SERPIND1: variants seen among roughly 807,000 people sequenced by gnomAD.
The protein encoded by SERPIND1 is serpin family D member 1.
SERPIND1 carries 34 observed loss-of-function variants against 35.0 expected under a neutral mutation model. That is an observed-to-expected ratio of 0.97 (90% CI 0.74 to 1.29). The LOEUF (loss-of-function observed/expected upper bound fraction) is 1.29. Among genes scored for constraint, SERPIND1 ranks in the 50% most tolerant of loss-of-function variants. SERPIND1 has a pLI of 0.00. For synonymous variants in SERPIND1, 236 were observed against 241.1 expected (o/e 0.98, Z 0.19); for missense variants, 633 against 637.7 (o/e 0.99, Z 0.08).
intron 1 of SERPIND1, among the ~76,000 whole-genome samples, chr22:20,776,798 T>A (rs922038588): frequency 6.6e-6 from 1 of 152,178 alleles, no homozygotes; most frequent in African/African-American, 2.4e-5. Flanking sequence ...AAGTGCCTTA[T>A]ACAGCGTGTC....
rs145172362 is a variant in SERPIND1 at position 20,776,404 on chromosome 22, G to A, written c.-17+2259G>A. On this transcript the variant is annotated intron_variant, in intron 1 of 4. Coordinates refer to ENST00000215727, the MANE Select transcript of SERPIND1 (RefSeq NM_000185.4). ...CTAGTGGCACTGCAGCCTGAGGCAG[G>A]TGCTGAGATGGGGACCTGGAAAAGG... Among the ~76,000 whole-genome samples, 732 of 152,322 alleles carry A rather than the reference G, an allele frequency of 4.8e-3. 4 individuals are homozygous for A. The highest frequency in any genetic ancestry group is 0.017 in the African/African-American group (703 of 41,576).
intron 1 of SERPIND1, among the ~76,000 whole-genome samples, chr22:20,774,703 G>A (rs1417462350): frequency 1.3e-5 from 2 of 150,762 alleles, no homozygotes; most frequent in East Asian, 3.9e-4. Flanking sequence ...AGAGGTTGCA[G>A]TGAGCGGAGA....
chr22:20,783,435 TA>T (rs362069), intron 2 of SERPIND1, among the ~76,000 whole-genome samples: 12,247 of 135,964 alleles, frequency 0.09, 558 homozygotes, highest in African/African-American at 0.14. Context: ...CATCTACAAT[TA>T]AAAAAAAAAA....
At chr22:20,784,965 A>G (rs1406212163) in intron 3 of SERPIND1, among the ~76,000 whole-genome samples, 1 of 152,024 alleles carries the variant, frequency 6.6e-6, no homozygotes, top group Non-Finnish European at 1.5e-5. Flanking sequence ...CCGGGTAGCC[A>G]GTCATCATGC....
In SERPIND1 at chr22:20,775,503, G is replaced by A. The variant is rs8138153; in HGVS notation, c.-17+1358G>A. Among the ~76,000 whole-genome samples, 1,288 of 152,274 alleles carry A rather than the reference G, an allele frequency of 8.5e-3. 13 individuals are homozygous for A. Among genetic ancestry groups the A allele is most frequent in the African/African-American group, 0.029 (1,197 of 41,542 alleles). On this transcript the variant is annotated intron_variant, in intron 1 of 4. Coordinates refer to ENST00000215727, the MANE Select transcript of SERPIND1 (RefSeq NM_000185.4). ...TCCAAATATAACTTCTGAATACCGG[G>A]ATAAAACATGCATGTCTTTACTCTG...
At position 20,787,547 on chromosome 22, in the gene SERPIND1, CAT is replaced by C. The variant is rs1423949702; in HGVS notation, c.*484_*485del. 4.6e-6 allele frequency: 1 copy of C among 217,536 alleles called. No homozygotes were observed. Among genetic ancestry groups the C allele is most frequent in the African/African-American group, 2.3e-5 (1 of 43,706 alleles). The allele number at this position is 217,536 out of a possible 1,614,324, so 13.5% of individuals were successfully genotyped here. A position where few individuals can be genotyped will look rare whatever the true frequency, so the allele number is the denominator to read the frequency against. On this transcript the variant is annotated 3_prime_UTR_variant, in exon 5 of 5. Transcript: ENST00000215727. ...GTCCAGGGAAGAAGCCACCTCAAGA[CAT>C]ATGAGGGGTGCCCTGGGCTAATGTT...
At chr22:20,782,841 T>G (rs968441085) in intron 2 of SERPIND1, among the ~76,000 whole-genome samples, 1 of 152,156 alleles carries the variant, frequency 6.6e-6, no homozygotes, top group Admixed American at 6.5e-5. Context: ...TGAGAAACCC[T>G]GGGTGAGGCA....
At chr22:20,785,242 C>CT (rs1205120078) in intron 3 of SERPIND1, among the ~76,000 whole-genome samples, 3 of 151,948 alleles carry the variant, frequency 2.0e-5, no homozygotes, top group Non-Finnish European at 4.4e-5. Flanking sequence ...GCTAATTAAA[C>CT]TTTTTTTGGT....
At position 20,780,142 on chromosome 22, in the gene SERPIND1, C is replaced by T. The variant is rs115355953; in HGVS notation, c.830C>T (p.Ala277Val). Reference protein sequence around the residue: ...MKLTKGLIKDALENIDPATQM... With the variant: ...MKLTKGLIKDVLENIDPATQM... ...CTCACCAAGGGCCTCATAAAAGATGCTCTGGAGAATATAGACCCTGCTACC... is the reference window on the plus strand; with the variant it reads ...CTCACCAAGGGCCTCATAAAAGATGTTCTGGAGAATATAGACCCTGCTACC... The change falls in exon 2 of 5, where the codon GCT (alanine) becomes GTT (valine). Residue 277 changes from alanine (A) to valine (V), a missense_variant. Ala to Val is a moderately conservative substitution (Grantham distance 64). Transcript: ENST00000215727. 3.3e-4 allele frequency: 539 copies of T among 1,614,198 alleles called. 2 individuals carry two copies. In the African/African-American group the frequency reaches 6.4e-3, roughly 19 times the overall value.
intron 1 of SERPIND1, among the ~76,000 whole-genome samples, chr22:20,775,479 C>T (rs1364135854): frequency 6.6e-6 from 1 of 152,166 alleles, no homozygotes; most frequent in Non-Finnish European, 1.5e-5. Flanking sequence ...TAAGAAGTTT[C>T]CAAATATAAC....
Position 20,783,959 on chromosome 22 carries a change from G to A in SERPIND1, c.890-13G>A, listed in dbSNP as rs1341057561. 6.2e-7 allele frequency: 1 copy of A among 1,614,078 alleles called. No individual in the cohort carries two copies. Among genetic ancestry groups the A allele is most frequent in the African/African-American group, 1.3e-5 (1 of 74,914 alleles). ...AACCTTCTCATAACAGCCTCTTCCTGTGGCCTTTACAGGATCCTGGGTGAA... is the reference window on the plus strand; with the variant it reads ...AACCTTCTCATAACAGCCTCTTCCTATGGCCTTTACAGGATCCTGGGTGAA... On this transcript the variant is annotated splice_polypyrimidine_tract_variant and intron_variant, in intron 2 of 4. Transcript: ENST00000215727.
At chr22:20,777,316 A>G in intron 1 of SERPIND1, among the ~76,000 whole-genome samples, 1 of 151,654 alleles carries the variant, frequency 6.6e-6, no homozygotes, top group East Asian at 1.9e-4. Flanking sequence ...TCCTGAATTC[A>G]AACGAATCTC....
chr22:20,786,183 C>T (rs2147517449), intron 4 of SERPIND1, 35 bp downstream of exon 4: 1 of 1,612,222 alleles, frequency 6.2e-7, no homozygotes, highest in East Asian at 2.2e-5. Flanking sequence ...GACCCGTCCC[C>T]AGGGTCTGCC....
At position 20,780,775 on chromosome 22, in the gene SERPIND1, C is replaced by CAA. The variant is rs538327544; in HGVS notation, c.889+589_889+590dup. ...TGGACGACAGAGTGAGACTCCATCTCAAAAAAAAAAAAAAAAGAAGTAAAA... is the reference window on the plus strand; with the variant it reads ...TGGACGACAGAGTGAGACTCCATCTCAAAAAAAAAAAAAAAAAAGAAGTAAAA... On this transcript the variant is annotated intron_variant, in intron 2 of 4. Transcript: ENST00000215727. 4.3e-3 allele frequency among the ~76,000 whole-genome samples: 294 copies of CAA among 67,690 alleles called. 10 individuals carry two copies. Among genetic ancestry groups the CAA allele is most frequent in the Non-Finnish European group, 6.6e-3 (241 of 36,636 alleles). 44.4% of individuals were successfully genotyped at this position (67,690 alleles called of 152,430 possible).
Position 20,779,988 on chromosome 22 carries a change from ATCCAGAAGCAGTT to A in SERPIND1, c.681_693del (p.Lys228SerfsTer9), listed in dbSNP as rs1569024125. ...ACTGCGGTCAGTCAATGACCTTTAT[ATCCAGAAGCAGTT>A]TCCAATCCTGCTTGACTTCAAAACT... On this transcript the variant is annotated frameshift_variant, in exon 2 of 5. Coordinates refer to ENST00000215727, the MANE Select transcript of SERPIND1 (RefSeq NM_000185.4). LOFTEE classifies it high-confidence loss of function. 2 of 1,614,054 alleles carry A rather than the reference ATCCAGAAGCAGTT, an allele frequency of 1.2e-6. No homozygotes were observed. Among genetic ancestry groups the A allele is most frequent in the Admixed American group, 3.3e-5 (2 of 60,000 alleles).
chr22:20,784,335 G>C, intron 3 of SERPIND1, 90 bp downstream of exon 3: 1 of 1,560,926 alleles, frequency 6.4e-7, no homozygotes, highest in African/African-American at 1.4e-5. Flanking sequence ...TTTAAAAAGG[G>C]AGAATTATGT....
At chr22:20,777,225 T>C (rs993327160) in intron 1 of SERPIND1, among the ~76,000 whole-genome samples, 10 of 151,670 alleles carry the variant, frequency 6.6e-5, no homozygotes, top group African/African-American at 2.4e-4. Context: ...TTTTCTTTTT[T>C]TTTTTTTTGA....
At chr22:20,784,379 C>A in intron 3 of SERPIND1, 134 bp downstream of exon 3, 1 of 1,209,046 alleles carries the variant, frequency 8.3e-7, no homozygotes, top group Non-Finnish European at 1.2e-6. Flanking sequence ...CAGGGCCACT[C>A]TGTTAATTCA....
chr22:20,786,452 C>A (rs748182165), intron 4 of SERPIND1, among the ~76,000 whole-genome samples: 1 of 152,200 alleles, frequency 6.6e-6, no homozygotes, highest in Non-Finnish European at 1.5e-5. Context: ...TAGCTACCCC[C>A]AGCCAAATCA....
Sources: allele counts gnomAD v4.1 joint callset (sites outside exome capture counted in the v4.1 genomes callset), GRCh38; gene constraint gnomAD v4.1.1; transcripts MANE v1.5; gene names NCBI Gene and HGNC (gene_info 2026-07-23, HGNC 2026-07-21).